Variants in FRMD4A observed in about 807,000 individuals in gnomAD.
The protein encoded by FRMD4A is FERM domain-containing protein 4A.
In FRMD4A, 29 loss-of-function variants were observed where a neutral mutation model predicts 129.1. That is an observed-to-expected ratio of 0.22 (90% CI 0.17 to 0.31). The LOEUF (loss-of-function observed/expected upper bound fraction) is 0.31, where lower values mean the gene tolerates loss of function less well. Ranked by LOEUF, FRMD4A falls within the 10% of genes least tolerant of loss-of-function variation. The probability of loss-of-function intolerance (pLI) is 1.00; values close to 1 mark genes in which losing one functional copy is unlikely to be tolerated. For missense variants in FRMD4A, 1,272 were observed against 1,375.8 expected, an observed-to-expected ratio of 0.92 and a Z score of 1.19; for synonymous variants, 634 against 571.6, an observed-to-expected ratio of 1.11 and a Z score of -1.56.
chr10:13,906,043 G>A (rs963498048), intron 2 of FRMD4A, among the ~76,000 whole-genome samples: 1 of 152,184 alleles, frequency 6.6e-6, no homozygotes, highest in African/African-American at 2.4e-5. Context: ...CAACAGGGCC[G>A]AGCCCCATGA....
At chr10:13,954,583 AG>A (rs1405672536) in intron 2 of FRMD4A, among the ~76,000 whole-genome samples, 1 of 152,156 alleles carries the variant, frequency 6.6e-6, no homozygotes, top group African/African-American at 2.4e-5. Flanking sequence ...CAGTGGCTCC[AG>A]GGGCTCAAGT....
intron 2 of FRMD4A, among the ~76,000 whole-genome samples, chr10:14,010,194 G>T (rs1277217035): frequency 6.6e-6 from 1 of 152,096 alleles, no homozygotes; most frequent in Non-Finnish European, 1.5e-5. Flanking sequence ...AAAGCCCCGG[G>T]GAGCTGAATT....
At chr10:14,087,825 T>G (rs1364347141) in intron 2 of FRMD4A, among the ~76,000 whole-genome samples, 1 of 152,192 alleles carries the variant, frequency 6.6e-6, no homozygotes, top group Non-Finnish European at 1.5e-5. Context: ...AATCAGTAAT[T>G]AATCTAAACA....
intron 3 of FRMD4A, among the ~76,000 whole-genome samples, chr10:13,822,183 C>T (rs2093639218): frequency 6.6e-6 from 1 of 152,078 alleles, no homozygotes. Context: ...ATAAACATAT[C>T]CATCACCTAT....
chr10:13,648,938 T>C (rs1183013677), intron 24 of FRMD4A, among the ~76,000 whole-genome samples: 1 of 152,104 alleles, frequency 6.6e-6, no homozygotes, highest in Non-Finnish European at 1.5e-5. Context: ...AAAGCTTCCA[T>C]GGATAAATAA....
chr10:13,930,917 C>T (rs1369554120), intron 2 of FRMD4A, among the ~76,000 whole-genome samples: 4 of 152,058 alleles, frequency 2.6e-5, no homozygotes, highest in Non-Finnish European at 4.4e-5. Context: ...ACTGCAGCCC[C>T]AAAATCCTGG....
At chr10:14,107,457 T>C (rs959333860) in intron 2 of FRMD4A, among the ~76,000 whole-genome samples, 3 of 152,190 alleles carry the variant, frequency 2.0e-5, no homozygotes, top group African/African-American at 7.2e-5. Context: ...TAAAAAATAT[T>C]TAGGAGTTGT....
At chr10:13,846,413 A>T (rs1367271439) in intron 3 of FRMD4A, among the ~76,000 whole-genome samples, 1 of 152,218 alleles carries the variant, frequency 6.6e-6, no homozygotes, top group Non-Finnish European at 1.5e-5. Flanking sequence ...GTCTGCTGAG[A>T]TCCCCGCAGA....
intron 2 of FRMD4A, among the ~76,000 whole-genome samples, chr10:14,291,172 A>T (rs1845840615): frequency 6.6e-6 from 1 of 152,162 alleles, no homozygotes; most frequent in Non-Finnish European, 1.5e-5. Context: ...TTCTTTCTGG[A>T]TATAGATTCA....
chr10:13,983,379 T>C (rs1409258131), intron 2 of FRMD4A, among the ~76,000 whole-genome samples: 1 of 152,070 alleles, frequency 6.6e-6, no homozygotes, highest in African/African-American at 2.4e-5. Flanking sequence ...GCAATGCCCT[T>C]TAACGCTTCA....
At chr10:14,289,714 T>C (rs534146063) in intron 2 of FRMD4A, among the ~76,000 whole-genome samples, 3 of 152,178 alleles carry the variant, frequency 2.0e-5, no homozygotes. Context: ...GGATGCCTAC[T>C]TTCACCACTT....
At chr10:13,849,543 C>T (rs1208709330) in intron 3 of FRMD4A, among the ~76,000 whole-genome samples, 1 of 150,058 alleles carries the variant, frequency 6.7e-6, no homozygotes, top group African/African-American at 2.5e-5. Context: ...TGCAATGGTG[C>T]GATCTTGGCT....
intron 2 of FRMD4A, among the ~76,000 whole-genome samples, chr10:14,071,655 C>A (rs1305686743): frequency 6.6e-6 from 1 of 151,658 alleles, no homozygotes; most frequent in Non-Finnish European, 1.5e-5. Context: ...TTATTACTGT[C>A]CTTAAACTCA....
At chr10:14,147,558 C>A in intron 2 of FRMD4A, among the ~76,000 whole-genome samples, 1 of 152,088 alleles carries the variant, frequency 6.6e-6, no homozygotes, top group East Asian at 1.9e-4. Context: ...ACTAGATTGT[C>A]TTATCTGGGG....
intron 2 of FRMD4A, among the ~76,000 whole-genome samples, chr10:13,935,422 T>C (rs1034187131): frequency 8.3e-6 from 1 of 120,472 alleles, no homozygotes; most frequent in African/African-American, 3.3e-5. Flanking sequence ...CTCTAGCCTG[T>C]GTGACAAGAG....
At position 13,773,132 on chromosome 10, in the gene FRMD4A, A is replaced by G. The variant is rs551546740; in HGVS notation, c.384+9790T>C. Among the ~76,000 whole-genome samples the G allele has an allele frequency of 1.5e-4, 23 of 152,332 alleles. No homozygotes were observed. In the South Asian group the frequency reaches 4.8e-3, roughly 32 times the overall value. Reference sequence around the variant, plus strand: ...TTAAAAAACCAAAGTAAACATGGTAAGTATGTCACCAATATGTCTACCTAT... The same window carrying G: ...TTAAAAAACCAAAGTAAACATGGTAGGTATGTCACCAATATGTCTACCTAT... On this transcript the variant is annotated intron_variant, in intron 6 of 24. Coordinates refer to ENST00000357447, the MANE Select transcript of FRMD4A (RefSeq NM_018027.5).
At chr10:13,759,110 A>G (rs984131266) in intron 8 of FRMD4A, among the ~76,000 whole-genome samples, 4 of 152,208 alleles carry the variant, frequency 2.6e-5, no homozygotes, top group Admixed American at 6.5e-5. Context: ...ACTCCCATGT[A>G]ACAAATCACC....
At chr10:14,116,504 C>T in intron 2 of FRMD4A, among the ~76,000 whole-genome samples, 1 of 152,084 alleles carries the variant, frequency 6.6e-6, no homozygotes, top group Non-Finnish European at 1.5e-5. Flanking sequence ...CCTTGGGGTC[C>T]ACCAAGTTCT....
At chr10:14,121,570 G>A (rs528847004) in intron 2 of FRMD4A, among the ~76,000 whole-genome samples, 1 of 152,154 alleles carries the variant, frequency 6.6e-6, no homozygotes, top group Non-Finnish European at 1.5e-5. Context: ...TGGAGTGAAT[G>A]CCACTGAGAG....
Sources: gnomAD v4.1 joint callset for allele counts (sites outside exome capture counted in the v4.1 genomes callset) on GRCh38, gnomAD v4.1.1 for gene constraint, MANE v1.5 for transcripts, NCBI Gene and HGNC (gene_info 2026-07-23, HGNC 2026-07-21) for gene names.